Variants in PTPRD observed in about 807,000 individuals in gnomAD.
The protein encoded by PTPRD is receptor-type tyrosine-protein phosphatase delta.
PTPRD carries 34 observed loss-of-function variants against 214.5 expected under a neutral mutation model. That is an observed-to-expected ratio of 0.16 (90% confidence interval 0.12 to 0.21). The LOEUF is 0.21. PTPRD is among the 10% of genes least tolerant of loss of function. The pLI is 1.00. For missense variants in PTPRD, 2,545 were observed against 2,398.7 expected (o/e 1.06, Z -1.27); for synonymous variants, 1,128 against 845.7 (o/e 1.33, Z -5.79).
intron 3 of PTPRD, among the ~76,000 whole-genome samples, chr9:10,186,177 T>G: frequency 6.6e-6 from 1 of 152,126 alleles, no homozygotes; most frequent in Non-Finnish European, 1.5e-5. Context: ...TCAACGTTTT[T>G]GATTGGAACT....
intron 7 of PTPRD, among the ~76,000 whole-genome samples, chr9:9,615,209 C>T (rs778166059): frequency 2.0e-5 from 3 of 152,162 alleles, no homozygotes; most frequent in East Asian, 1.9e-4. Context: ...CAACCACCTG[C>T]GTCCCAGAGG....
In PTPRD at chr9:9,595,460, G is replaced by A. The variant is rs138506114; in HGVS notation, c.-286-20679C>T. On this transcript the variant is annotated intron_variant, in intron 7 of 45. Coordinates refer to ENST00000381196, the MANE Select transcript of PTPRD (RefSeq NM_002839.4). ...CGTGTACACATGCATACACATGTAC[G>A]CATATGTACACATGCATACACATGT... is the stretch of plus-strand genomic sequence containing the variant. 3.1e-3 allele frequency among the ~76,000 whole-genome samples: 463 copies of A among 149,398 alleles called. 8 individuals carry two copies. The highest frequency in any genetic ancestry group is 0.024 in the Admixed American group (351 of 14,910).
chr9:10,595,035 G>A (rs2076305895), intron 2 of PTPRD, among the ~76,000 whole-genome samples: 1 of 151,726 alleles, frequency 6.6e-6, no homozygotes. Context: ...ACTATTTATA[G>A]GCGATAATTA....
chr9:8,506,602 C>T (rs548599783), intron 22 of PTPRD, among the ~76,000 whole-genome samples: 28 of 152,240 alleles, frequency 1.8e-4, no homozygotes, highest in African/African-American at 4.8e-4. Context: ...TTTTATTATA[C>T]GTCAAATCGA....
intron 5 of PTPRD, among the ~76,000 whole-genome samples, chr9:9,777,195 G>A (rs1294725576): frequency 6.6e-6 from 1 of 152,080 alleles, no homozygotes; most frequent in Non-Finnish European, 1.5e-5. Flanking sequence ...AAAATGAAGT[G>A]ATCAAAATAC....
chr9:8,642,736 C>G (rs1159893704), intron 12 of PTPRD, among the ~76,000 whole-genome samples: 4 of 152,138 alleles, frequency 2.6e-5, no homozygotes, highest in Non-Finnish European at 5.9e-5. Context: ...CATTCCCTTC[C>G]AGCCACAGCA....
chr9:10,503,537 G>T (rs1258814539), intron 2 of PTPRD, among the ~76,000 whole-genome samples: 3 of 152,110 alleles, frequency 2.0e-5, no homozygotes, highest in South Asian at 2.1e-4. Context: ...TATAGAAAAA[G>T]ATATTTAACC....
intron 6 of PTPRD, among the ~76,000 whole-genome samples, chr9:9,763,836 T>C (rs557300498): frequency 5.3e-5 from 8 of 152,258 alleles, no homozygotes; most frequent in Middle Eastern, 3.4e-3. Context: ...ACAGAAAGAA[T>C]TGAAAATTAT....
At chr9:9,358,375 A>G (rs1431344914) in intron 9 of PTPRD, among the ~76,000 whole-genome samples, 3 of 151,338 alleles carry the variant, frequency 2.0e-5, no homozygotes, top group African/African-American at 4.8e-5. Flanking sequence ...ATTGCTTACT[A>G]TAATGAAATC....
chr9:10,191,568 GA>G (rs1444087885), intron 3 of PTPRD, among the ~76,000 whole-genome samples: 1 of 152,034 alleles, frequency 6.6e-6, no homozygotes, highest in African/African-American at 2.4e-5. Flanking sequence ...TCTAAAAATG[GA>G]AAACCATCCC....
chr9:8,341,995 G>C lies in PTPRD; in HGVS notation c.4662-17C>G, dbSNP rs777699507. ...ACTCCCGCACTATGAGGAAAATAGAGAAGAAAAGCCCAAATAAACCTATCA... is the reference window on the plus strand; with the variant it reads ...ACTCCCGCACTATGAGGAAAATAGACAAGAAAAGCCCAAATAAACCTATCA... On this transcript the variant is annotated splice_polypyrimidine_tract_variant and intron_variant, in intron 39 of 45. Coordinates refer to ENST00000381196, the MANE Select transcript of PTPRD (RefSeq NM_002839.4). 7 of 1,574,124 alleles carry C rather than the reference G, an allele frequency of 4.4e-6. No individual in the cohort carries two copies. Among genetic ancestry groups the C allele is most frequent in the Non-Finnish European group, 5.2e-6 (6 of 1,164,398 alleles).
At chr9:9,590,133 C>T (rs1307776383) in intron 7 of PTPRD, among the ~76,000 whole-genome samples, 2 of 151,994 alleles carry the variant, frequency 1.3e-5, no homozygotes, top group Non-Finnish European at 2.9e-5. Flanking sequence ...ATGCCCATCA[C>T]TTACTGTATG....
At chr9:9,075,285 T>C (rs576809185) in intron 10 of PTPRD, among the ~76,000 whole-genome samples, 69 of 152,248 alleles carry the variant, frequency 4.5e-4, no homozygotes, top group African/African-American at 1.4e-3. Flanking sequence ...CATTTATCCT[T>C]TCCTTTTGTT....
intron 11 of PTPRD, among the ~76,000 whole-genome samples, chr9:8,898,741 A>G (rs1000666043): frequency 2.0e-5 from 3 of 152,158 alleles, no homozygotes; most frequent in Admixed American, 2.0e-4. Flanking sequence ...AATATTGTTC[A>G]ATTATTACTA....
chr9:10,229,708 G>A (rs1440375830), intron 3 of PTPRD, among the ~76,000 whole-genome samples: 1 of 150,950 alleles, frequency 6.6e-6, no homozygotes, highest in African/African-American at 2.4e-5. Context: ...GTTGTGGGGT[G>A]GGGGGAGGTG....
intron 12 of PTPRD, among the ~76,000 whole-genome samples, chr9:8,685,341 T>A (rs1313550775): frequency 2.0e-5 from 3 of 151,224 alleles, no homozygotes; most frequent in African/African-American, 4.9e-5. Context: ...TCTTTACAAA[T>A]ACTGTCAGAA....
intron 9 of PTPRD, among the ~76,000 whole-genome samples, chr9:9,379,477 TCCAA>T (rs1245968574): frequency 6.6e-6 from 1 of 151,920 alleles, no homozygotes; most frequent in Non-Finnish European, 1.5e-5. Context: ...ATATCAGTCC[TCCAA>T]CTTTGTTCTT....
At chr9:9,291,700 ATTTAT>A (rs1429380554) in intron 9 of PTPRD, among the ~76,000 whole-genome samples, 3 of 151,168 alleles carry the variant, frequency 2.0e-5, no homozygotes, top group Non-Finnish European at 4.4e-5. Context: ...GTGAATAAAA[ATTTAT>A]TTACTATAAT....
intron 10 of PTPRD, among the ~76,000 whole-genome samples, chr9:9,023,798 C>T (rs12684539): frequency 0.31 from 46,382 of 151,796 alleles, 7,656 homozygotes; most frequent in Non-Finnish European, 0.37. Flanking sequence ...CTTAGGATTA[C>T]GGCCTCCATC....
Sources: allele counts gnomAD v4.1 joint callset (sites outside exome capture counted in the v4.1 genomes callset), GRCh38; gene constraint gnomAD v4.1.1; transcripts MANE v1.5; gene names NCBI Gene and HGNC (gene_info 2026-07-23, HGNC 2026-07-21).